FHIT: variants seen among roughly 807,000 people sequenced by gnomAD.
FHIT encodes fragile histidine triad diadenosine triphosphatase.
A neutral mutation model predicts 17.9 loss-of-function variants in FHIT; 19 were observed. The observed-to-expected ratio is 1.06, with a 90% CI of 0.74 to 1.56. FHIT has a LOEUF of 1.56. Ranked by LOEUF, FHIT falls within the 40% of genes most tolerant of loss-of-function variation. The pLI, the probability that FHIT is intolerant of heterozygous loss-of-function variation, is 0.00. For synonymous variants in FHIT, 81 were observed against 69.7 expected (o/e 1.16, Z -0.81); for missense variants, 248 against 189.2 (o/e 1.31, Z -1.82).
chr3:59,838,235 AC>A (rs1701408719), intron 8 of FHIT, among the ~76,000 whole-genome samples: 1 of 151,890 alleles, frequency 6.6e-6, no homozygotes, highest in African/African-American at 2.4e-5. Context: ...CTCTACCCAA[AC>A]AACCTGCCCT....
intron 2 of FHIT, among the ~76,000 whole-genome samples, chr3:61,047,753 G>C (rs921912910): frequency 1.3e-5 from 2 of 151,716 alleles, no homozygotes; most frequent in African/African-American, 4.8e-5. Context: ...TACCCAAACA[G>C]CATGATACTG....
At chr3:60,748,504 C>T (rs1176918113) in intron 4 of FHIT, among the ~76,000 whole-genome samples, 1 of 152,150 alleles carries the variant, frequency 6.6e-6, no homozygotes, top group East Asian at 1.9e-4. Context: ...TGTACACATC[C>T]TCCCGTATAA....
At chr3:60,846,164 C>T (rs922664504) in intron 3 of FHIT, among the ~76,000 whole-genome samples, 5 of 152,140 alleles carry the variant, frequency 3.3e-5, no homozygotes, top group Admixed American at 2.6e-4. Context: ...CTACATAATA[C>T]AGCATGCCCT....
At chr3:60,028,900 A>C (rs911175247) in intron 5 of FHIT, among the ~76,000 whole-genome samples, 1 of 151,960 alleles carries the variant, frequency 6.6e-6, no homozygotes, top group Non-Finnish European at 1.5e-5. Flanking sequence ...GAAAACACAA[A>C]GGATGAAATA....
intron 3 of FHIT, among the ~76,000 whole-genome samples, chr3:61,024,515 CTTTT>C (rs1462641382): frequency 6.6e-6 from 1 of 151,810 alleles, no homozygotes; most frequent in Admixed American, 6.6e-5. Context: ...TTTTCTTTTT[CTTTT>C]TAAGAAAAAA....
intron 7 of FHIT, among the ~76,000 whole-genome samples, chr3:60,006,603 C>T (rs990516996): frequency 6.6e-6 from 1 of 151,596 alleles, no homozygotes; most frequent in Non-Finnish European, 1.5e-5. Flanking sequence ...AACATCAATA[C>T]GTCAGTTTTT....
chr3:59,966,313 T>C (rs1473207317), intron 7 of FHIT, among the ~76,000 whole-genome samples: 1 of 152,194 alleles, frequency 6.6e-6, no homozygotes, highest in African/African-American at 2.4e-5. Context: ...GAAACTTTCA[T>C]GTAGGGCATA....
intron 1 of FHIT, among the ~76,000 whole-genome samples, chr3:61,206,803 CCTTT>C (rs918522893): frequency 6.6e-6 from 1 of 152,072 alleles, no homozygotes; most frequent in African/African-American, 2.4e-5. Flanking sequence ...AATTCAATAC[CCTTT>C]ATTTTCTTCT....
At chr3:60,027,722 A>AT (rs1269712608) in intron 5 of FHIT, among the ~76,000 whole-genome samples, 6 of 34,482 alleles carry the variant, frequency 1.7e-4, no homozygotes, top group East Asian at 3.9e-3. Flanking sequence ...TTTAGTTTAT[A>AT]AAAAAAAAAA....
chr3:59,840,583 A>G (rs987609364), intron 8 of FHIT, among the ~76,000 whole-genome samples: 8 of 152,114 alleles, frequency 5.3e-5, no homozygotes, highest in African/African-American at 1.9e-4. Context: ...GCACGCAGGA[A>G]TGGACAATGC....
chr3:61,190,261 G>A (rs898821722), intron 2 of FHIT, among the ~76,000 whole-genome samples: 3 of 152,154 alleles, frequency 2.0e-5, no homozygotes, highest in Non-Finnish European at 2.9e-5. Flanking sequence ...CCATCAACAA[G>A]TGGGTGAAGG....
At chr3:60,621,316 T>A (rs1443918570) in intron 4 of FHIT, among the ~76,000 whole-genome samples, 1 of 151,740 alleles carries the variant, frequency 6.6e-6, no homozygotes, top group South Asian at 2.1e-4. Flanking sequence ...GCCTAGCTAC[T>A]TTTTTGTATT....
At chr3:60,692,308 T>C (rs371121145) in intron 4 of FHIT, among the ~76,000 whole-genome samples, 1 of 152,196 alleles carries the variant, frequency 6.6e-6, no homozygotes, top group Admixed American at 6.5e-5. Context: ...CAAAGGTGTC[T>C]ACATCCTAGT....
chr3:60,221,208 T>C (rs1275514325), intron 5 of FHIT, among the ~76,000 whole-genome samples: 2 of 152,178 alleles, frequency 1.3e-5, no homozygotes, highest in Non-Finnish European at 2.9e-5. Flanking sequence ...TCTAGTTTTC[T>C]TCCTTTTTCA....
intron 5 of FHIT, among the ~76,000 whole-genome samples, chr3:60,482,745 AC>A (rs2033666257): frequency 6.6e-6 from 1 of 152,048 alleles, no homozygotes; most frequent in Non-Finnish European, 1.5e-5. Context: ...TCAAATCAAC[AC>A]CCTAACATCA....
At chr3:60,509,118 T>G (rs2034847059) in intron 5 of FHIT, among the ~76,000 whole-genome samples, 1 of 152,074 alleles carries the variant, frequency 6.6e-6, no homozygotes, top group African/African-American at 2.4e-5. Context: ...AAACACCTTA[T>G]CTACCAAGCA....
intron 5 of FHIT, among the ~76,000 whole-genome samples, chr3:60,160,753 C>T (rs1269685396): frequency 1.3e-5 from 2 of 151,976 alleles, no homozygotes; most frequent in East Asian, 1.9e-4. Context: ...AAATCAATTC[C>T]AAACCAATAA....
intron 2 of FHIT, among the ~76,000 whole-genome samples, chr3:61,184,318 C>T (rs910897035): frequency 3.3e-5 from 5 of 152,068 alleles, no homozygotes; most frequent in Admixed American, 3.3e-4. Flanking sequence ...GACCCCCATT[C>T]CAAGACAGCC....
intron 4 of FHIT, among the ~76,000 whole-genome samples, chr3:60,634,299 A>T (rs574667449): frequency 6.6e-6 from 1 of 152,216 alleles, no homozygotes; most frequent in Non-Finnish European, 1.5e-5. Context: ...AACAAAAAAA[A>T]AATCTTTTCA....
Sources: allele counts gnomAD v4.1 joint callset (sites outside exome capture counted in the v4.1 genomes callset), GRCh38; gene constraint gnomAD v4.1.1; transcripts MANE v1.5; gene names NCBI Gene and HGNC (gene_info 2026-07-23, HGNC 2026-07-21).